The following SAMSN1 variants were observed in gnomAD, a reference collection of about 807,000 sequenced individuals.
SAMSN1 encodes the protein SAM domain, SH3 domain and nuclear localization signals 1.
Under a neutral mutation model 42.0 loss-of-function variants are expected in SAMSN1, and 31 were observed. The observed-to-expected ratio is 0.74, with a 90% CI of 0.55 to 1.00. The LOEUF is 1.00. Among genes scored for constraint, SAMSN1 ranks in the 50% least tolerant of loss-of-function variants. The pLI, the probability that SAMSN1 is intolerant of heterozygous loss-of-function variation, is 0.00. For missense variants in SAMSN1, 464 were observed against 439.4 expected, an observed-to-expected ratio of 1.06 and a Z score of -0.50; for synonymous variants, 178 against 151.9, an observed-to-expected ratio of 1.17 and a Z score of -1.26.
At chr21:14,653,061 A>G (rs772992754) in intron 1 of SAMSN1, among the ~76,000 whole-genome samples, 2 of 152,084 alleles carry the variant, frequency 1.3e-5, no homozygotes, top group Non-Finnish European at 2.9e-5. Context: ...GATGTGGAGA[A>G]AAAGGAACCC....
intron 3 of SAMSN1, 26 bp downstream of exon 3, chr21:14,516,866 A>G (rs753677689): frequency 2.5e-6 from 4 of 1,576,564 alleles, no homozygotes; most frequent in Non-Finnish European, 3.5e-6. Context: ...GTAGAAAAAT[A>G]CAAATGATTA....
intron 1 of SAMSN1, among the ~76,000 whole-genome samples, chr21:14,539,284 T>G (rs1979843225): frequency 6.6e-6 from 1 of 152,202 alleles, no homozygotes; most frequent in South Asian, 2.1e-4. Context: ...TGTTGGAAGT[T>G]CTGGCCAGCG....
At chr21:14,625,255 A>G (rs920067708) in intron 2 of SAMSN1, among the ~76,000 whole-genome samples, 2 of 152,110 alleles carry the variant, frequency 1.3e-5, no homozygotes, top group Non-Finnish European at 2.9e-5. Context: ...CCTATTCAAC[A>G]TAGCGTTGGA....
At chr21:14,495,544 AT>A (rs758436909) in intron 7 of SAMSN1, among the ~76,000 whole-genome samples, 64 of 149,680 alleles carry the variant, frequency 4.3e-4, no homozygotes, top group East Asian at 1.6e-3. Flanking sequence ...TTGAATCTGT[AT>A]TTTTTTTTTC....
intron 1 of SAMSN1, among the ~76,000 whole-genome samples, chr21:14,646,544 A>G (rs879748646): frequency 6.6e-6 from 1 of 152,184 alleles, no homozygotes; most frequent in Non-Finnish European, 1.5e-5. Context: ...AAAGAAAAGG[A>G]CAGTAATGAG....
chr21:14,521,607 C>T (rs1978486137), intron 1 of SAMSN1, among the ~76,000 whole-genome samples: 1 of 152,130 alleles, frequency 6.6e-6, no homozygotes, highest in Admixed American at 6.6e-5. Flanking sequence ...AACCAACCAA[C>T]AAACAAATAA....
intron 2 of SAMSN1, among the ~76,000 whole-genome samples, chr21:14,623,640 C>A (rs997933101): frequency 2.6e-5 from 4 of 152,120 alleles, no homozygotes; most frequent in African/African-American, 7.2e-5. Flanking sequence ...TCCTTAGAGA[C>A]CTACAAGGAG....
intron 1 of SAMSN1, among the ~76,000 whole-genome samples, chr21:14,644,798 C>T (rs1473427078): frequency 6.6e-6 from 1 of 151,966 alleles, no homozygotes; most frequent in Non-Finnish European, 1.5e-5. Context: ...CAGTGCCCTG[C>T]AGGGTAAATC....
intron 7 of SAMSN1, among the ~76,000 whole-genome samples, chr21:14,490,867 C>G (rs545524248): frequency 1.3e-5 from 2 of 152,162 alleles, no homozygotes; most frequent in South Asian, 4.1e-4. Flanking sequence ...GCAATCTCCA[C>G]TTCCACTGTG....
intron 1 of SAMSN1, among the ~76,000 whole-genome samples, chr21:14,524,825 G>A (rs1256590295): frequency 6.6e-6 from 1 of 152,078 alleles, no homozygotes; most frequent in Non-Finnish European, 1.5e-5. Flanking sequence ...AGCATACAGT[G>A]TAAGGAGAAA....
intron 2 of SAMSN1, among the ~76,000 whole-genome samples, chr21:14,633,979 G>A (rs1461231201): frequency 1.3e-5 from 2 of 152,060 alleles, no homozygotes; most frequent in Non-Finnish European, 2.9e-5. Context: ...GATTTTTCCA[G>A]TGCTTTTTAT....
At chr21:14,595,114 T>C (rs1239344460) in intron 6 of SAMSN1, among the ~76,000 whole-genome samples, 1 of 152,168 alleles carries the variant, frequency 6.6e-6, no homozygotes. Context: ...AATGGGTTAA[T>C]GCTAAACCAT....
In SAMSN1 at chr21:14,616,069, A is replaced by T. The variant is rs538666201; in HGVS notation, c.157-53T>A. ...TAAAATAAATAACATAAAATAAGAC[A>T]AAACTATATCAAGAGATCTGAAAGA... On this transcript the variant is annotated intron_variant, in intron 2 of 15. Coordinates refer to the SAMSN1 transcript ENST00000647101. 369 of 528,292 alleles carry T rather than the reference A, an allele frequency of 7.0e-4. 2 individuals are homozygous for T. Among genetic ancestry groups the T allele is most frequent in the African/African-American group, 6.5e-3 (340 of 52,116 alleles). 32.7% of individuals were successfully genotyped at this position (528,292 alleles called of 1,614,324 possible). A position where few individuals can be genotyped will look rare whatever the true frequency, so the allele number is the denominator to read the frequency against.
chr21:14,588,195 C>T (rs546593884), upstream of SAMSN1, among the ~76,000 whole-genome samples: 18 of 124,996 alleles, frequency 1.4e-4, no homozygotes, highest in East Asian at 2.2e-4. Flanking sequence ...TGAATAATGC[C>T]GCAATAAACA....
rs766708441 is a variant in SAMSN1, at chr21:14,486,008, G to A, written c.1026C>T (p.Ile342=). 2 of 1,613,550 alleles carry A rather than the reference G, an allele frequency of 1.2e-6. No individual in the cohort carries two copies. The highest frequency in any genetic ancestry group is 1.1e-5 in the South Asian group (1 of 91,072). The change falls in exon 8 of 8, where the codon ATC becomes ATT. Residue 342 remains isoleucine (I), a synonymous_variant. Transcript: ENST00000400566. ...DDCPRDSGCY[I]SSGNSDNGKE... The stretch of plus-strand genomic sequence containing the variant: ...TGCCATTATCTGAATTTCCTGATGA[G>A]ATATAGCAACCAGAGTCCCTTGGGC...
intron 2 of SAMSN1, among the ~76,000 whole-genome samples, chr21:14,561,228 T>C (rs2123198438): frequency 6.6e-6 from 1 of 152,196 alleles, no homozygotes; most frequent in South Asian, 2.1e-4. Context: ...AGGACCATTT[T>C]CAACACCCTG....
intron 2 of SAMSN1, among the ~76,000 whole-genome samples, chr21:14,562,640 A>G (rs1225690955): frequency 2.0e-5 from 3 of 151,890 alleles, no homozygotes; most frequent in East Asian, 1.9e-4. Context: ...ACTCATCACC[A>G]TGAAATGAAT....
At chr21:14,577,237 TG>T (rs1981507860) in intron 2 of SAMSN1, among the ~76,000 whole-genome samples, 2 of 22,432 alleles carry the variant, frequency 8.9e-5, no homozygotes, top group Non-Finnish European at 1.3e-4. Context: ...TATATATGTG[TG>T]TATATATATA....
At chr21:14,541,411 G>A (rs1600915399) in intron 1 of SAMSN1, among the ~76,000 whole-genome samples, 1 of 151,864 alleles carries the variant, frequency 6.6e-6, no homozygotes, top group Non-Finnish European at 1.5e-5. Context: ...TTACCCTGTA[G>A]CCCATGATGG....
Sources: allele counts gnomAD v4.1 joint callset (sites outside exome capture counted in the v4.1 genomes callset), GRCh38; gene constraint gnomAD v4.1.1; transcripts MANE v1.5; gene names NCBI Gene and HGNC (gene_info 2026-07-23, HGNC 2026-07-21).